The following KIAA1217 variants were observed in gnomAD, a reference collection of about 807,000 sequenced individuals.
KIAA1217 encodes the protein sickle tail protein homolog.
A neutral mutation model predicts 163.9 loss-of-function variants in KIAA1217; 88 were observed. The observed-to-expected ratio is 0.54, with a 90% CI of 0.45 to 0.64. The LOEUF is 0.64. Ranked by LOEUF, KIAA1217 falls within the 30% of genes least tolerant of loss-of-function variation. The pLI is 0.00. For synonymous variants in KIAA1217, 903 were observed against 923.1 expected, an observed-to-expected ratio of 0.98 and a Z score of 0.39; for missense variants, 2,372 against 2,475.0, an observed-to-expected ratio of 0.96 and a Z score of 0.88.
At chr10:23,736,419 C>T (rs7910355) in intron 1 of KIAA1217, among the ~76,000 whole-genome samples, 33,226 of 152,048 alleles carry the variant, frequency 0.22, 3,874 homozygotes, top group Middle Eastern at 0.29. Flanking sequence ...ATCAAGTTTT[C>T]CTGTATGAGA....
At chr10:24,153,304 A>T (rs980720150) in intron 2 of KIAA1217, among the ~76,000 whole-genome samples, 1 of 152,234 alleles carries the variant, frequency 6.6e-6, no homozygotes, top group African/African-American at 2.4e-5. Flanking sequence ...GAGGGTAAGA[A>T]CACCACTTGT....
At chr10:24,128,938 C>T (rs1031713161) in intron 2 of KIAA1217, among the ~76,000 whole-genome samples, 5 of 152,238 alleles carry the variant, frequency 3.3e-5, no homozygotes, top group Non-Finnish European at 7.3e-5. Flanking sequence ...AGGCTGCATA[C>T]CTCTTTTCAA....
intron 1 of KIAA1217, among the ~76,000 whole-genome samples, chr10:24,213,813 C>T (rs1213308137): frequency 1.3e-5 from 2 of 152,028 alleles, no homozygotes; most frequent in African/African-American, 4.8e-5. Context: ...TTTTAAGGTA[C>T]TATAGAGGAA....
upstream of KIAA1217, among the ~76,000 whole-genome samples, chr10:24,204,519 T>C (rs1048414549): frequency 3.9e-5 from 6 of 152,232 alleles, no homozygotes; most frequent in Non-Finnish European, 8.8e-5. Context: ...AGGGTCTTTG[T>C]TGGGAAACTC....
chr10:23,753,003 G>T (rs1453513773), intron 1 of KIAA1217, among the ~76,000 whole-genome samples: 1 of 152,190 alleles, frequency 6.6e-6, no homozygotes, highest in Admixed American at 6.5e-5. Context: ...ACAAATAACA[G>T]TTGGTGGATT....
chr10:24,502,371 C>T (rs2067769367), intron 9 of KIAA1217, among the ~76,000 whole-genome samples: 1 of 150,918 alleles, frequency 6.6e-6, no homozygotes. Flanking sequence ...AAAACATCTG[C>T]ATTTCATTCA....
chr10:24,093,268 T>C (rs773858970), intron 2 of KIAA1217, among the ~76,000 whole-genome samples: 1 of 151,764 alleles, frequency 6.6e-6, no homozygotes, highest in Non-Finnish European at 1.5e-5. Flanking sequence ...CCTGCTGGGT[T>C]CCAGTTATTC....
chr10:23,944,172 C>G (rs1257934995), intron 1 of KIAA1217, among the ~76,000 whole-genome samples: 1 of 152,164 alleles, frequency 6.6e-6, no homozygotes, highest in Non-Finnish European at 1.5e-5. Context: ...TGCCTGCAAT[C>G]CCAGCACTTA....
Position 24,348,106 on chromosome 10 carries a change from C to T in KIAA1217, c.355-32763C>T, listed in dbSNP as rs189572091. On this transcript the variant is annotated intron_variant, in intron 2 of 20. Coordinates refer to ENST00000376454, the MANE Select transcript of KIAA1217 (RefSeq NM_019590.5). ...GTGCAGTGGCTCACGCCTGTAATCC[C>T]AGCACTTTGGGAGGCAGAGGCAGGT... Among the ~76,000 whole-genome samples, 4 of 152,278 alleles carry T rather than the reference C, an allele frequency of 2.6e-5. No individual in the cohort carries two copies. The East Asian group carries it at 7.7e-4, about 29-fold the overall frequency.
chr10:23,837,148 A>G (rs1029106564), intron 1 of KIAA1217, among the ~76,000 whole-genome samples: 1 of 152,162 alleles, frequency 6.6e-6, no homozygotes, highest in African/African-American at 2.4e-5. Context: ...TGCTTAATAT[A>G]ATGGCTTCCA....
At chr10:24,517,306 G>C (rs915933917) in intron 10 of KIAA1217, among the ~76,000 whole-genome samples, 1 of 152,128 alleles carries the variant, frequency 6.6e-6, no homozygotes, top group African/African-American at 2.4e-5. Flanking sequence ...AAGACAGCAG[G>C]TTATAAAAGA....
intron 1 of KIAA1217, among the ~76,000 whole-genome samples, chr10:23,763,502 A>G (rs535682206): frequency 1.3e-5 from 2 of 152,232 alleles, no homozygotes; most frequent in South Asian, 4.1e-4. Flanking sequence ...CACAAAAACA[A>G]GCATGGGGGA....
intron 2 of KIAA1217, among the ~76,000 whole-genome samples, chr10:24,201,705 G>A (rs1015989268): frequency 3.3e-5 from 5 of 150,646 alleles, no homozygotes; most frequent in Non-Finnish European, 5.9e-5. Context: ...CTCTGCTTCC[G>A]CCCCACCTTC....
At chr10:24,216,099 G>GA (rs923196888) in intron 1 of KIAA1217, among the ~76,000 whole-genome samples, 1 of 152,080 alleles carries the variant, frequency 6.6e-6, no homozygotes, top group Admixed American at 6.5e-5. Flanking sequence ...AAAGTGCTAG[G>GA]AAAAAAACAG....
chr10:24,180,140 T>C (rs2066100735), intron 2 of KIAA1217, among the ~76,000 whole-genome samples: 1 of 152,160 alleles, frequency 6.6e-6, no homozygotes, highest in Non-Finnish European at 1.5e-5. Flanking sequence ...GTTTCTCTAT[T>C]GCCTTTGACT....
chr10:24,202,177 G>A (rs530075081), intron 2 of KIAA1217, among the ~76,000 whole-genome samples: 7 of 152,276 alleles, frequency 4.6e-5, no homozygotes, highest in South Asian at 4.1e-4. Flanking sequence ...TCACTCAACC[G>A]GAGGCTGAGA....
intron 2 of KIAA1217, among the ~76,000 whole-genome samples, chr10:24,324,096 AT>A (rs2044548679): frequency 2.0e-5 from 3 of 148,824 alleles, no homozygotes; most frequent in African/African-American, 2.5e-5. Context: ...GCGAGACCTC[AT>A]CTCTACAAAA....
At position 24,474,156 on chromosome 10, in the gene KIAA1217, G is replaced by C. The variant is rs1394366052; in HGVS notation, c.1679+96G>C. The C allele has an allele frequency of 3.4e-6, 3 of 874,954 alleles. No homozygotes were observed. The East Asian group carries it at 7.6e-5, about 22-fold the overall frequency. The allele number at this position is 874,954 out of a possible 1,614,324, so 54.2% of individuals were successfully genotyped here. Reference sequence around the variant, plus strand: ...TCAAACCGACAGAATAAATGTCTGAGCACCCATCTCTGCAGCATGTCCTGT... The same window carrying C: ...TCAAACCGACAGAATAAATGTCTGACCACCCATCTCTGCAGCATGTCCTGT... On this transcript the variant is annotated intron_variant, in intron 6 of 20. Coordinates refer to ENST00000376454, the MANE Select transcript of KIAA1217 (RefSeq NM_019590.5).
chr10:23,884,667 A>C (rs1841096047), intron 1 of KIAA1217, among the ~76,000 whole-genome samples: 1 of 151,964 alleles, frequency 6.6e-6, no homozygotes, highest in South Asian at 2.1e-4. Context: ...GGAAGAATGA[A>C]ATTCAGGCAC....
Sources: gnomAD v4.1 joint callset for allele counts (sites outside exome capture counted in the v4.1 genomes callset) on GRCh38, gnomAD v4.1.1 for gene constraint, MANE v1.5 for transcripts, NCBI Gene and HGNC (gene_info 2026-07-23, HGNC 2026-07-21) for gene names.